SLCO6A1: variants seen among roughly 807,000 people sequenced by gnomAD.
SLCO6A1 encodes solute carrier organic anion transporter family member 6A1, also known as cancer/testis antigen 48.
SLCO6A1 carries 65 observed loss-of-function variants against 72.7 expected under a neutral mutation model. The ratio of observed to expected loss-of-function variants is 0.89; its 90% confidence interval spans 0.73 to 1.10. The LOEUF is 1.10. Ranked by LOEUF, SLCO6A1 falls within the 50% of genes least tolerant of loss-of-function variation. SLCO6A1 has a pLI of 0.00. For missense variants in SLCO6A1, 874 were observed against 872.6 expected (o/e 1.00, Z -0.02); for synonymous variants, 314 against 298.2 (o/e 1.05, Z -0.55).
chr5:102,471,558 A>G (rs573323964), intron 4 of SLCO6A1, among the ~76,000 whole-genome samples: 3 of 152,102 alleles, frequency 2.0e-5, no homozygotes, highest in African/African-American at 4.8e-5. Flanking sequence ...CTTTAAAATT[A>G]CTTTTGTCAT....
intron 2 of SLCO6A1, among the ~76,000 whole-genome samples, chr5:102,478,449 T>C (rs1307977420): frequency 6.6e-6 from 1 of 152,212 alleles, no homozygotes; most frequent in Admixed American, 6.5e-5. Flanking sequence ...ATCTTTATAT[T>C]CACTTTGTCT....
At chr5:102,394,636 TA>T (rs1746961004) in intron 10 of SLCO6A1, among the ~76,000 whole-genome samples, 1 of 151,964 alleles carries the variant, frequency 6.6e-6, no homozygotes, top group Admixed American at 6.6e-5. Flanking sequence ...TATGCAACTG[TA>T]AAAAATAAAT....
intron 7 of SLCO6A1, among the ~76,000 whole-genome samples, chr5:102,435,360 T>A (rs1215119004): frequency 6.6e-6 from 1 of 152,132 alleles, no homozygotes; most frequent in African/African-American, 2.4e-5. Context: ...TTAGTATTTA[T>A]ATTCTATAAT....
chr5:102,480,242 C>T lies in SLCO6A1; in HGVS notation c.551G>A (p.Gly184Glu). Residue 184 changes from glycine to glutamate, a missense_variant, in exon 2 of 14, where the codon GGA becomes GAA. Coordinates refer to ENST00000506729, the MANE Select transcript of SLCO6A1 (RefSeq NM_173488.5). Reference sequence around the variant, plus strand: ...GGATGGAAAAGCACATAAAAGTGATCCAAGTCCTATTAAAAAGGAGGAAGC... The same window carrying T: ...GGATGGAAAAGCACATAAAAGTGATTCAAGTCCTATTAAAAAGGAGGAAGC... ...FVASSFLIGL[G>E]SLLCAFPSIN... 6.2e-7 allele frequency: 1 copy of T among 1,612,922 alleles called. No individual in the cohort carries two copies. The highest frequency in any genetic ancestry group is 8.5e-7 in the Non-Finnish European group (1 of 1,179,310).
intron 1 of SLCO6A1, among the ~76,000 whole-genome samples, chr5:102,483,182 A>G (rs1752292647): frequency 6.6e-6 from 1 of 152,170 alleles, no homozygotes. Context: ...TCTTTTGGTG[A>G]ACATTCATTC....
chr5:102,372,203 T>C (rs115589980), intron 13 of SLCO6A1, 80 bp from the exon 14 acceptor site: 1 of 152,058 alleles, frequency 6.6e-6, no homozygotes, highest in Admixed American at 6.6e-5. Flanking sequence ...TTAAAATGCA[T>C]GTTGAAATAA....
chr5:102,471,567 A>G (rs1751610404), intron 4 of SLCO6A1, among the ~76,000 whole-genome samples: 1 of 152,108 alleles, frequency 6.6e-6, no homozygotes, highest in South Asian at 2.1e-4. Flanking sequence ...TACTTTTGTC[A>G]TTTGAATTAA....
chr5:102,399,062 A>G (rs1747254770), intron 10 of SLCO6A1, among the ~76,000 whole-genome samples: 1 of 152,126 alleles, frequency 6.6e-6, no homozygotes, highest in Admixed American at 6.6e-5. Context: ...GATTTCATAT[A>G]TTTAGGAAGA....
At chr5:102,496,535 A>AG (rs1752918611) in intron 1 of SLCO6A1, among the ~76,000 whole-genome samples, 1 of 152,170 alleles carries the variant, frequency 6.6e-6, no homozygotes, top group East Asian at 1.9e-4. Context: ...CCCACCTAAT[A>AG]AGGGGATTAC....
chr5:102,452,240 G>A (rs1273158737), intron 6 of SLCO6A1, among the ~76,000 whole-genome samples: 3 of 152,144 alleles, frequency 2.0e-5, no homozygotes, highest in African/African-American at 7.2e-5. Flanking sequence ...TGAGCTCTCT[G>A]TTCCACACAT....
At chr5:102,441,751 T>A (rs1580433589) in intron 6 of SLCO6A1, among the ~76,000 whole-genome samples, 1 of 151,854 alleles carries the variant, frequency 6.6e-6, no homozygotes, top group Non-Finnish European at 1.5e-5. Flanking sequence ...TTTCATGAAG[T>A]TTTTTTAGCA....
chr5:102,412,054 CT>C (rs1214223353), intron 9 of SLCO6A1, among the ~76,000 whole-genome samples: 3 of 152,028 alleles, frequency 2.0e-5, no homozygotes, highest in Non-Finnish European at 2.9e-5. Context: ...CATTTCCTTT[CT>C]ATTGATCCCA....
chr5:102,429,915 T>C (rs566939436), intron 7 of SLCO6A1, among the ~76,000 whole-genome samples: 4 of 152,332 alleles, frequency 2.6e-5, no homozygotes, highest in Non-Finnish European at 5.9e-5. Flanking sequence ...ATTTTAAAGA[T>C]ATTGATTCTT....
Position 102,435,593 on chromosome 5 carries a change from G to A in SLCO6A1, c.1276+3024C>T, listed in dbSNP as rs76025036. Among the ~76,000 whole-genome samples, 1,023 of 152,280 alleles carry A rather than the reference G, an allele frequency of 6.7e-3. 9 individuals carry two copies. The highest frequency in any genetic ancestry group is 0.023 in the African/African-American group (973 of 41,568). ...CATGGCCAGTGTAAAAGGTTATCAG[G>A]ACCAGGTGTGGTGGCTCACGCCTTT... is the stretch of plus-strand genomic sequence containing the variant. On this transcript the variant is annotated intron_variant, in intron 7 of 13. Transcript: ENST00000506729.
chr5:102,411,075 G>A (rs1358920416), intron 9 of SLCO6A1, among the ~76,000 whole-genome samples: 1 of 152,090 alleles, frequency 6.6e-6, no homozygotes, highest in African/African-American at 2.4e-5. Flanking sequence ...CAGGGGATTG[G>A]GTGCCGCTGT....
chr5:102,408,942 C>T (rs1036846284), intron 9 of SLCO6A1, among the ~76,000 whole-genome samples: 2 of 152,092 alleles, frequency 1.3e-5, no homozygotes, highest in Non-Finnish European at 2.9e-5. Flanking sequence ...CTTTCCTCTT[C>T]AGAGATAAAT....
At chr5:102,461,116 T>C (rs1248002479) in intron 4 of SLCO6A1, among the ~76,000 whole-genome samples, 1 of 151,488 alleles carries the variant, frequency 6.6e-6, no homozygotes, top group Non-Finnish European at 1.5e-5. Context: ...TATGTGTGTA[T>C]AATTGTGTAC....
chr5:102,444,335 C>A (rs913954521), intron 6 of SLCO6A1, among the ~76,000 whole-genome samples: 7 of 152,136 alleles, frequency 4.6e-5, no homozygotes, highest in Non-Finnish European at 8.8e-5. Context: ...CATTGATTTA[C>A]TCCCTACCCT....
chr5:102,483,361 C>T (rs1752301266), intron 1 of SLCO6A1, among the ~76,000 whole-genome samples: 2 of 152,172 alleles, frequency 1.3e-5, no homozygotes, highest in African/African-American at 4.8e-5. Context: ...TCAAGGCCTC[C>T]CCTAAGTCTA....
Sources: allele counts gnomAD v4.1 joint callset (sites outside exome capture counted in the v4.1 genomes callset), GRCh38; gene constraint gnomAD v4.1.1; transcripts MANE v1.5; gene names NCBI Gene and HGNC (gene_info 2026-07-23, HGNC 2026-07-21).